The following DCC variants were observed in gnomAD, a reference collection of about 807,000 sequenced individuals.
DCC encodes the protein netrin receptor DCC.
Under a neutral mutation model 172.5 loss-of-function variants are expected in DCC, and 58 were observed. The ratio of observed to expected loss-of-function variants is 0.34; its 90% CI spans 0.27 to 0.42. The LOEUF is 0.42. DCC is among the 10% of genes least tolerant of loss of function. The pLI, the probability that DCC is intolerant of heterozygous loss-of-function variation, is 1.00. For synonymous variants in DCC, 709 were observed against 644.5 expected, an observed-to-expected ratio of 1.10 and a Z score of -1.52; for missense variants, 1,740 against 1,791.0, an observed-to-expected ratio of 0.97 and a Z score of 0.51.
At chr18:53,040,620 G>A (rs189307085) in intron 5 of DCC, among the ~76,000 whole-genome samples, 87 of 152,018 alleles carry the variant, frequency 5.7e-4, no homozygotes, top group African/African-American at 2.0e-3. Flanking sequence ...GCAGAATTTG[G>A]CCCAGGCGTG....
chr18:52,797,593 G>T (rs909409261), intron 2 of DCC, among the ~76,000 whole-genome samples: 4 of 152,208 alleles, frequency 2.6e-5, no homozygotes, highest in African/African-American at 9.7e-5. Flanking sequence ...ACTTTGATGG[G>T]GGTGGGAACA....
In DCC at chr18:53,356,337, T is replaced by C. The variant is rs116493070; in HGVS notation, c.2359+16430T>C. Among the ~76,000 whole-genome samples the C allele has an allele frequency of 2.9e-3, 445 of 152,316 alleles. 1 individual carries two copies. The highest frequency in any genetic ancestry group is 0.01 in the African/African-American group (425 of 41,584). ...TCATTTCCAGGTCTGTTTCTATTTATTATGTTTTTTTCTTCATTATGAGTT... is the reference window on the plus strand; with the variant it reads ...TCATTTCCAGGTCTGTTTCTATTTACTATGTTTTTTTCTTCATTATGAGTT... On this transcript the variant is annotated intron_variant, in intron 15 of 28. Coordinates refer to ENST00000442544, the MANE Select transcript of DCC (RefSeq NM_005215.4).
intron 1 of DCC, among the ~76,000 whole-genome samples, chr18:52,589,158 T>C (rs2033743308): frequency 6.6e-6 from 1 of 152,214 alleles, no homozygotes; most frequent in African/African-American, 2.4e-5. Context: ...CAAATACTTT[T>C]TTAGCAAATT....
chr18:52,707,579 G>A lies in DCC; in HGVS notation c.92-44475G>A, dbSNP rs145166433. ...ATCTGCAGTTCCATGTTCATTCAAGGGCTATTCACAATAGTCAAGATATGG... is the reference window on the plus strand; with the variant it reads ...ATCTGCAGTTCCATGTTCATTCAAGAGCTATTCACAATAGTCAAGATATGG... On this transcript the variant is annotated intron_variant, in intron 1 of 28. Transcript: ENST00000442544. 2.9e-3 allele frequency among the ~76,000 whole-genome samples: 442 copies of A among 152,208 alleles called. 4 individuals are homozygous for A. The East Asian group carries it at 0.035, about 12-fold the overall frequency.
chr18:53,276,049 C>A (rs942649980), intron 12 of DCC, among the ~76,000 whole-genome samples: 5 of 152,048 alleles, frequency 3.3e-5, no homozygotes, highest in African/African-American at 9.7e-5. Flanking sequence ...AGGAAAATGG[C>A]AAGCCTGGCA....
At chr18:53,281,141 T>C (rs1209451177) in intron 12 of DCC, among the ~76,000 whole-genome samples, 1 of 152,142 alleles carries the variant, frequency 6.6e-6, no homozygotes, top group Admixed American at 6.6e-5. Flanking sequence ...CACAATGTAG[T>C]ATGTGAGCAT....
intron 1 of DCC, among the ~76,000 whole-genome samples, chr18:52,504,341 G>A (rs1242621429): frequency 6.6e-6 from 1 of 152,166 alleles, no homozygotes; most frequent in Non-Finnish European, 1.5e-5. Flanking sequence ...CAAAGTAAAA[G>A]GATGGGGATG....
At chr18:52,838,786 T>A (rs9962738) in intron 2 of DCC, among the ~76,000 whole-genome samples, 295 of 152,276 alleles carry the variant, frequency 1.9e-3, no homozygotes, top group African/African-American at 6.2e-3. Flanking sequence ...AGGACAACAG[T>A]GAATTTCATA....
chr18:53,412,380 C>T (rs181275892), intron 20 of DCC, among the ~76,000 whole-genome samples: 44 of 152,120 alleles, frequency 2.9e-4, no homozygotes, highest in Middle Eastern at 3.4e-3. Context: ...TAATTTTGTA[C>T]ATGTATACAT....
At chr18:52,439,507 T>C (rs1220867279) in intron 1 of DCC, among the ~76,000 whole-genome samples, 1 of 152,240 alleles carries the variant, frequency 6.6e-6, no homozygotes, top group East Asian at 1.9e-4. Context: ...CCCTCATTAG[T>C]AACTCCAGAG....
chr18:52,369,860 G>A (rs11875910), intron 1 of DCC, among the ~76,000 whole-genome samples: 15,586 of 152,042 alleles, frequency 0.1, 888 homozygotes, highest in Middle Eastern at 0.16. Flanking sequence ...GGATTACTAC[G>A]TTTGAGTCAA....
chr18:52,561,977 A>G (rs1364795191), intron 1 of DCC, among the ~76,000 whole-genome samples: 1 of 152,214 alleles, frequency 6.6e-6, no homozygotes, highest in Non-Finnish European at 1.5e-5. Flanking sequence ...TTAATTAAGA[A>G]TGGTTAATTG....
chr18:52,429,919 A>T (rs1351419829), intron 1 of DCC, among the ~76,000 whole-genome samples: 1 of 152,272 alleles, frequency 6.6e-6, no homozygotes, highest in East Asian at 1.9e-4. Context: ...ACAGAGAAAT[A>T]ATGGCTTTTG....
At chr18:53,064,706 T>A (rs1473917452) in intron 6 of DCC, among the ~76,000 whole-genome samples, 2 of 152,206 alleles carry the variant, frequency 1.3e-5, no homozygotes, top group African/African-American at 4.8e-5. Flanking sequence ...ATTTGTTTAA[T>A]TGGTTAGAAA....
chr18:52,406,246 C>G (rs889753020), intron 1 of DCC, among the ~76,000 whole-genome samples: 4 of 150,206 alleles, frequency 2.7e-5, no homozygotes, highest in African/African-American at 9.8e-5. Flanking sequence ...CATTACCATT[C>G]AGGACATAGG....
chr18:52,618,153 C>A (rs1316300566), intron 1 of DCC, among the ~76,000 whole-genome samples: 2 of 152,058 alleles, frequency 1.3e-5, no homozygotes, highest in Admixed American at 6.5e-5. Flanking sequence ...TCATCACAGA[C>A]CTGACTCACA....
At chr18:53,144,604 C>A (rs1173030652) in intron 7 of DCC, among the ~76,000 whole-genome samples, 1 of 152,178 alleles carries the variant, frequency 6.6e-6, no homozygotes, top group Admixed American at 6.5e-5. Context: ...CCTCCCACGA[C>A]ACATGGGAAT....
chr18:52,477,994 G>C (rs1160548538), intron 1 of DCC, among the ~76,000 whole-genome samples: 4 of 151,982 alleles, frequency 2.6e-5, no homozygotes, highest in Non-Finnish European at 5.9e-5. Context: ...ATGTTTAGTA[G>C]AGATGAAGTC....
intron 5 of DCC, among the ~76,000 whole-genome samples, chr18:53,049,677 T>G (rs1158902559): frequency 3.3e-5 from 5 of 152,116 alleles, no homozygotes; most frequent in African/African-American, 1.2e-4. Flanking sequence ...GCTCTTTTTC[T>G]TTTTTGGTTC....
Sources: gnomAD v4.1 joint callset for allele counts (sites outside exome capture counted in the v4.1 genomes callset) on GRCh38, gnomAD v4.1.1 for gene constraint, MANE v1.5 for transcripts, NCBI Gene and HGNC (gene_info 2026-07-23, HGNC 2026-07-21) for gene names.